Variants in PCDHA6 observed in about 807,000 individuals in gnomAD.
PCDHA6 encodes the protein protocadherin alpha 6, also known as protocadherin alpha-6.
PCDHA6 carries 55 observed loss-of-function variants against 60.3 expected under a neutral mutation model. The ratio of observed to expected loss-of-function variants is 0.91; its 90% CI spans 0.73 to 1.14. PCDHA6 has a LOEUF of 1.14. Among genes scored for constraint, PCDHA6 ranks in the 50% most tolerant of loss-of-function variants. The pLI is 0.00. For missense variants in PCDHA6, 1,327 were observed against 1,256.5 expected (o/e 1.06, Z -0.85); for synonymous variants, 652 against 557.9 (o/e 1.17, Z -2.38).
rs185233104 is a variant in PCDHA6, at chr5:140,979,751, C to T, written c.2453+744C>T. 6.6e-5 allele frequency among the ~76,000 whole-genome samples: 10 copies of T among 152,136 alleles called. No individual in the cohort carries two copies. The South Asian group carries it at 1.2e-3, about 19-fold the overall frequency. On this transcript the variant is annotated intron_variant, in intron 2 of 3. Coordinates refer to ENST00000529310, the MANE Select transcript of PCDHA6 (RefSeq NM_018909.4). ...GGCCAAATAAAAGATTCATTATTTG[C>T]GAATGTCTTTGGAAACCAAATGGGA...
rs782133089 is a variant in PCDHA6, at chr5:140,924,894, C to CAAAAA, written c.2395-54048_2395-54044dup. Among the ~76,000 whole-genome samples, 201 of 71,494 alleles carry CAAAAA rather than the reference C, an allele frequency of 2.8e-3. 5 individuals are homozygous for CAAAAA. In the East Asian group the frequency reaches 0.084, roughly 30 times the overall value. The allele number at this position is 71,494 out of a possible 152,430, so 46.9% of individuals were successfully genotyped here. On this transcript the variant is annotated intron_variant, in intron 1 of 3. Coordinates refer to ENST00000529310, the MANE Select transcript of PCDHA6 (RefSeq NM_018909.4). ...TGGGTGACAGAGCAAGAACCTGTCT[C>CAAAAA]AAAAAAAAAAATAAAATAAAATAAA...
At position 140,830,205 on chromosome 5, in the gene PCDHA6, G is replaced by A; in HGVS notation, c.2114G>A (p.Cys705Tyr). ...DVNVYLIIAI[C>Y]AVSSLLVLTL... Reference sequence around the variant, plus strand: ...AACGTGTACCTGATCATCGCCATCTGCGCGGTATCCAGCCTGCTGGTCCTC... The same window carrying A: ...AACGTGTACCTGATCATCGCCATCTACGCGGTATCCAGCCTGCTGGTCCTC... The change falls in exon 1 of 4, where the codon TGC (cysteine) becomes TAC (tyrosine). Residue 705 changes from cysteine (C) to tyrosine (Y), a missense_variant. Physicochemically the swap from Cys to Tyr is radical, Grantham distance 194. Transcript: ENST00000529310. 1.9e-6 allele frequency: 3 copies of A among 1,613,780 alleles called. No individual in the cohort carries two copies. The highest frequency in any genetic ancestry group is 2.5e-6 in the Non-Finnish European group (3 of 1,179,898).
intron 1 of PCDHA6, chr5:140,843,068 C>A (rs1345239073): frequency 1.9e-6 from 3 of 1,595,102 alleles, no homozygotes; most frequent in Admixed American, 1.7e-5. Flanking sequence ...GCTGGTGCCG[C>A]GGTCTGTGGG....
intron 1 of PCDHA6, among the ~76,000 whole-genome samples, chr5:140,915,255 A>G (rs2077044659): frequency 6.6e-6 from 1 of 152,018 alleles, no homozygotes; most frequent in African/African-American, 2.4e-5. Flanking sequence ...CCAGGTTGTT[A>G]TTATTTTTGA....
In PCDHA6 at chr5:140,829,921, G is replaced by A. The variant is rs1770679553; in HGVS notation, c.1830G>A (p.Glu610=). The change falls in exon 1 of 4, where the codon GAG becomes GAA. Residue 610 remains glutamate, a synonymous_variant. Transcript: ENST00000529310. The part of the protein sequence containing the change: ...DSGYNAWLSY[E]LQPPASSARF... ...GCTACAACGCGTGGCTTTCGTATGA[G>A]CTGCAGCCCCCGGCAAGCAGCGCTC... is the stretch of plus-strand genomic sequence containing the variant. The A allele has an allele frequency of 6.2e-7, 1 of 1,613,908 alleles. No homozygotes were observed. The highest frequency in any genetic ancestry group is 1.7e-5 in the Admixed American group (1 of 60,006).
intron 1 of PCDHA6, chr5:140,851,627 C>A: frequency 1.1e-6 from 1 of 918,296 alleles, no homozygotes. Context: ...GCTTTTTAAA[C>A]AAGTGTTTCC....
chr5:140,855,882 T>C (rs1248405239), intron 1 of PCDHA6: 3 of 945,936 alleles, frequency 3.2e-6, no homozygotes, highest in Admixed American at 3.1e-5. Context: ...AATAGCTTTT[T>C]AGAACAAAGG....
chr5:140,835,671 G>T (rs1489343208), intron 1 of PCDHA6: 8 of 1,613,790 alleles, frequency 5.0e-6, no homozygotes, highest in Non-Finnish European at 6.8e-6. Context: ...CGCGCGGGAC[G>T]GGGGCTCGCC....
chr5:140,876,743 T>G, intron 1 of PCDHA6: 5 of 1,614,200 alleles, frequency 3.1e-6, no homozygotes, highest in Non-Finnish European at 4.2e-6. Flanking sequence ...TATGAGCTGG[T>G]GGTGACTGCG....
chr5:140,929,307 C>T (rs149565434), intron 1 of PCDHA6: 10 of 1,570,046 alleles, frequency 6.4e-6, no homozygotes, highest in Admixed American at 1.8e-5. Context: ...AAGGGGATCA[C>T]GCTAATGTCA....
intron 3 of PCDHA6, among the ~76,000 whole-genome samples, chr5:141,008,523 C>A (rs2098380908): frequency 6.6e-6 from 1 of 152,182 alleles, no homozygotes; most frequent in Admixed American, 6.5e-5. Context: ...CAATCAGACT[C>A]TTGGGAATGT....
chr5:140,927,077 G>A (rs568623488), intron 1 of PCDHA6: 1 of 1,610,844 alleles, frequency 6.2e-7, no homozygotes, highest in Non-Finnish European at 8.5e-7. Context: ...TCCAGCCACC[G>A]CGAGCTCTAC....
At chr5:140,971,743 A>G (rs979953004) in intron 1 of PCDHA6, among the ~76,000 whole-genome samples, 1 of 151,474 alleles carries the variant, frequency 6.6e-6, no homozygotes, top group African/African-American at 2.4e-5. Flanking sequence ...ACACATACAT[A>G]TATCTCATAT....
intron 1 of PCDHA6, among the ~76,000 whole-genome samples, chr5:140,957,190 A>G (rs2153712685): frequency 6.6e-6 from 1 of 152,294 alleles, no homozygotes; most frequent in South Asian, 2.1e-4. Context: ...TTGATGACCG[A>G]TTGGGAATAT....
Position 140,828,047 on chromosome 5 carries a change from T to C in PCDHA6, c.-45T>C. ...TCCGGAACATACAGTATTTTATCTTTATGCGGAAGATCTTCTAATGGAAAT... is the reference window on the plus strand; with the variant it reads ...TCCGGAACATACAGTATTTTATCTTCATGCGGAAGATCTTCTAATGGAAAT... On this transcript the variant is annotated 5_prime_UTR_variant, in exon 1 of 4. Coordinates refer to ENST00000529310, the MANE Select transcript of PCDHA6 (RefSeq NM_018909.4). 1 of 1,543,604 alleles carries C rather than the reference T, an allele frequency of 6.5e-7. No individual in the cohort carries two copies. The highest frequency in any genetic ancestry group is 8.7e-7 in the Non-Finnish European group (1 of 1,148,226).
intron 1 of PCDHA6, chr5:140,883,882 C>T (rs200536915): frequency 6.8e-6 from 11 of 1,613,068 alleles, no homozygotes; most frequent in Middle Eastern, 1.7e-4. Flanking sequence ...TGAGCGCGCG[C>T]GACTCTGGCG....
At chr5:140,834,262 C>G in intron 1 of PCDHA6, 2 of 985,852 alleles carry the variant, frequency 2.0e-6, no homozygotes, top group Admixed American at 2.4e-5. Flanking sequence ...ACGCTCCACT[C>G]TCTTTCACTC....
chr5:140,883,080 A>G, intron 1 of PCDHA6: 1 of 1,614,140 alleles, frequency 6.2e-7, no homozygotes, highest in Non-Finnish European at 8.5e-7. Flanking sequence ...GATCCTGATG[A>G]TGGTACAAAT....
intron 1 of PCDHA6, among the ~76,000 whole-genome samples, chr5:140,872,147 A>G (rs182622131): frequency 6.6e-6 from 1 of 152,118 alleles, no homozygotes; most frequent in East Asian, 1.9e-4. Flanking sequence ...CTCCATTAGT[A>G]TGACATGATT....
Sources: gnomAD v4.1 joint callset for allele counts (sites outside exome capture counted in the v4.1 genomes callset) on GRCh38, gnomAD v4.1.1 for gene constraint, MANE v1.5 for transcripts, NCBI Gene and HGNC (gene_info 2026-07-23, HGNC 2026-07-21) for gene names.